Variants in DCUN1D5 observed in about 807,000 individuals in gnomAD.
DCUN1D5 encodes the protein DCN1-like protein 5.
A neutral mutation model predicts 38.3 loss-of-function variants in DCUN1D5; 10 were observed. The observed-to-expected ratio is 0.26, with a 90% CI of 0.16 to 0.44. The LOEUF (loss-of-function observed/expected upper bound fraction) is 0.44. Ranked by LOEUF, DCUN1D5 falls within the 20% of genes least tolerant of loss-of-function variation. The pLI is 1.00. For synonymous variants in DCUN1D5, 93 were observed against 90.9 expected, an observed-to-expected ratio of 1.02 and a Z score of -0.13; for missense variants, 148 against 275.3, an observed-to-expected ratio of 0.54 and a Z score of 3.27.
At position 103,079,094 on chromosome 11, in the gene DCUN1D5, G is replaced by A. The variant is rs968757135; in HGVS notation, c.341+3654C>T. 2.6e-5 allele frequency among the ~76,000 whole-genome samples: 4 copies of A among 152,174 alleles called. No homozygotes were observed. In the East Asian group the frequency reaches 5.8e-4, roughly 22 times the overall value. On this transcript the variant is annotated intron_variant, in intron 4 of 7. Coordinates refer to ENST00000260247, the MANE Select transcript of DCUN1D5 (RefSeq NM_032299.4). ...TCCTGTCAGAACAGCAGCGGCATTC[G>A]ATTCTCACAGGAATGCGAACCCTAT... is the stretch of plus-strand genomic sequence containing the variant.
At position 103,091,410 on chromosome 11, in the gene DCUN1D5, A is replaced by G. The variant is rs1345635514; in HGVS notation, c.86+377T>C. 1 of 217,524 alleles carries G rather than the reference A, an allele frequency of 4.6e-6. No homozygotes were observed. Among genetic ancestry groups the G allele is most frequent in the Non-Finnish European group, 9.3e-6 (1 of 107,470 alleles). The allele number at this position is 217,524 out of a possible 1,614,324, so 13.5% of individuals were successfully genotyped here. On this transcript the variant is annotated intron_variant, in intron 1 of 7. Transcript: ENST00000260247. The surrounding 1 kb of genome is among the most constrained non-coding windows in gnomAD (Gnocchi z 4.3). ...TTCTAGAAGTGACCCTTCTGCGGAT[A>G]TGTACTCACTTCTAAGTCTAGAAAA...
At position 103,062,490 on chromosome 11, in the gene DCUN1D5, C is replaced by A; in HGVS notation, c.659-76G>T. On this transcript the variant is annotated intron_variant, in intron 7 of 7. Transcript: ENST00000260247. The surrounding 1 kb of genome is among the most constrained non-coding windows in gnomAD (Gnocchi z 4.6). ...AATTATAAAACAAACTCCCCACGAG[C>A]TCTGCAATGACAGAGGAATGACCCT... The A allele has an allele frequency of 1.6e-6, 2 of 1,287,606 alleles. No individual in the cohort carries two copies. The highest frequency in any genetic ancestry group is 1.8e-5 in the Admixed American group (1 of 54,230). The allele number at this position is 1,287,606 out of a possible 1,614,324, so 79.8% of individuals were successfully genotyped here. A position where few individuals can be genotyped will look rare whatever the true frequency, so the allele number is the denominator to read the frequency against.
At position 103,062,125 on chromosome 11, in the gene DCUN1D5, A is replaced by ATGT; in HGVS notation, c.*231_*233dup. The ATGT allele has an allele frequency of 9.3e-6, 4 of 429,020 alleles. No homozygotes were observed. Among genetic ancestry groups the ATGT allele is most frequent in the Non-Finnish European group, 1.6e-5 (4 of 243,070 alleles). The allele number at this position is 429,020 out of a possible 1,614,324, so 26.6% of individuals were successfully genotyped here. On this transcript the variant is annotated 3_prime_UTR_variant, in exon 8 of 8. Coordinates refer to ENST00000260247, the MANE Select transcript of DCUN1D5 (RefSeq NM_032299.4). The surrounding 1 kb of genome is among the most constrained non-coding windows in gnomAD (Gnocchi z 4.6). ...CTGAATCTTTATTGTTCTGAAATAA[A>ATGT]TGTTATAAACATAACTCAAAACAAA... is the stretch of plus-strand genomic sequence containing the variant.
Position 103,058,895 on chromosome 11 carries a change from T to TGG in DCUN1D5, c.*3463_*3464insCC, listed in dbSNP as rs1565281701. 2.7e-4 allele frequency among the ~76,000 whole-genome samples: 41 copies of TGG among 150,664 alleles called. No individual in the cohort carries two copies. Among genetic ancestry groups the TGG allele is most frequent in the African/African-American group, 1.0e-3 (41 of 40,854 alleles). On this transcript the variant is annotated 3_prime_UTR_variant, in exon 8 of 8. Transcript: ENST00000260247. ...TTAGGAGTAAGACTTTTGGGTTTTT[T>TGG]TGGGGGGGGTTTTAATTTTATTTTT...
rs1308829638 is a variant in DCUN1D5 at position 103,071,907 on chromosome 11, AAAG to A, written c.342-5343_342-5341del. Among the ~76,000 whole-genome samples the A allele has an allele frequency of 6.6e-6, 1 of 151,444 alleles. No homozygotes were observed. Among genetic ancestry groups the A allele is most frequent in the Non-Finnish European group, 1.5e-5 (1 of 67,796 alleles). On this transcript the variant is annotated intron_variant, in intron 4 of 7. Coordinates refer to ENST00000260247, the MANE Select transcript of DCUN1D5 (RefSeq NM_032299.4). This position sits in a 1 kb window ranked among gnomAD's most constrained non-coding sequence, Gnocchi z 4.1. ...TTAAGAAAATTTAAAATATTTAAAA[AAAG>A]AAAAATTTATTTAATAAAGCCAGTA...
Position 103,060,545 on chromosome 11 carries a change from C to T in DCUN1D5, c.*1814G>A, listed in dbSNP as rs1861987965. Among the ~76,000 whole-genome samples the T allele has an allele frequency of 6.6e-6, 1 of 152,118 alleles. No homozygotes were observed. The highest frequency in any genetic ancestry group is 2.4e-5 in the African/African-American group (1 of 41,418). On this transcript the variant is annotated 3_prime_UTR_variant, in exon 8 of 8. Transcript: ENST00000260247. The stretch of plus-strand genomic sequence containing the variant: ...TTAAGTATGCACAGATTTGGGTATA[C>T]ACAAGGGTCCTGGTATCAATCTCCT...
intron 4 of DCUN1D5, among the ~76,000 whole-genome samples, chr11:103,072,103 G>A (rs1591212409): frequency 6.6e-6 from 1 of 151,820 alleles, no homozygotes; most frequent in Non-Finnish European, 1.5e-5. Flanking sequence ...GTAACTTACA[G>A]GTAACATAAC....
chr11:103,055,235 C>CA lies in DCUN1D5; in HGVS notation c.*7123dup, dbSNP rs34916615. 3.1e-4 allele frequency: 47 copies of CA among 152,186 alleles called. No individual in the cohort carries two copies. Among genetic ancestry groups the CA allele is most frequent in the Non-Finnish European group, 6.0e-4 (41 of 67,982 alleles). The allele number at this position is 152,186 out of a possible 1,614,324, so 9.4% of individuals were successfully genotyped here. A position where few individuals can be genotyped will look rare whatever the true frequency, so the allele number is the denominator to read the frequency against. ...CCACTTGTGGCATCATGTCAACACT[C>CA]AAAAAGTTTTGGATTTTGAAGCATT... On this transcript the variant is annotated 3_prime_UTR_variant, in exon 8 of 8. Transcript: ENST00000260247.
In DCUN1D5 at chr11:103,092,014, C is replaced by G; in HGVS notation, c.-142G>C. 1.4e-6 allele frequency: 1 copy of G among 737,818 alleles called. No homozygotes were observed. The allele number at this position is 737,818 out of a possible 1,614,324, so 45.7% of individuals were successfully genotyped here. ...GTCGCCAGCCCGCACCGGCGCGGCC[C>G]AGCCCGGCCGCCGCCCGCTCCCAGG... is the stretch of plus-strand genomic sequence containing the variant. On this transcript the variant is annotated 5_prime_UTR_variant, in exon 1 of 8. Coordinates refer to ENST00000260247, the MANE Select transcript of DCUN1D5 (RefSeq NM_032299.4).
rs552279814 is a variant in DCUN1D5 at position 103,062,808 on chromosome 11, A to G, written c.659-394T>C. On this transcript the variant is annotated intron_variant, in intron 7 of 7. Transcript: ENST00000260247. The surrounding 1 kb of genome is among the most constrained non-coding windows in gnomAD (Gnocchi z 4.6). ...ACAAGCTTGTTGAGAGGGATCAGCC[A>G]TAATAGAGACTTACTTTATTCCAAT... 7.9e-5 allele frequency among the ~76,000 whole-genome samples: 12 copies of G among 152,274 alleles called. No individual in the cohort carries two copies. In the East Asian group the frequency reaches 2.3e-3, roughly 29 times the overall value.
In DCUN1D5 at chr11:103,050,720, AT is replaced by A. The variant is rs1226752811; in HGVS notation, c.*11638del. 6.6e-6 allele frequency: 1 copy of A among 152,180 alleles called. No individual in the cohort carries two copies. Among genetic ancestry groups the A allele is most frequent in the African/African-American group, 2.4e-5 (1 of 41,446 alleles). The allele number at this position is 152,180 out of a possible 1,614,324, so 9.4% of individuals were successfully genotyped here. On this transcript the variant is annotated 3_prime_UTR_variant, in exon 8 of 8. Coordinates refer to ENST00000260247, the MANE Select transcript of DCUN1D5 (RefSeq NM_032299.4). ...AGTGAAATCATTTATTTATCTATTC[AT>A]TTTCATTTATTCCATTTATTGAGTG...
Position 103,091,779 on chromosome 11 carries a change from G to C in DCUN1D5, c.86+8C>G, listed in dbSNP as rs961293038. 5 of 1,614,082 alleles carry C rather than the reference G, an allele frequency of 3.1e-6. No individual in the cohort carries two copies. Among genetic ancestry groups the C allele is most frequent in the Non-Finnish European group, 3.4e-6 (4 of 1,179,932 alleles). ...GAGGGAAGCTTGAAGGGTGGGGGGA[G>C]ATGGTACCTGGAGATTTTACACTTT... On this transcript the variant is annotated splice_region_variant and intron_variant, in intron 1 of 7. Transcript: ENST00000260247. This position sits in a 1 kb window ranked among gnomAD's most constrained non-coding sequence, Gnocchi z 4.3.
Position 103,086,134 on chromosome 11 carries a change from A to G in DCUN1D5, c.179-2808T>C, listed in dbSNP as rs1024506326. Among the ~76,000 whole-genome samples the G allele has an allele frequency of 1.3e-5, 2 of 152,212 alleles. No individual in the cohort carries two copies. The highest frequency in any genetic ancestry group is 2.4e-5 in the African/African-American group (1 of 41,530). On this transcript the variant is annotated intron_variant, in intron 2 of 7. Transcript: ENST00000260247. The surrounding 1 kb of genome is among the most constrained non-coding windows in gnomAD (Gnocchi z 4.1). ...TAACCATAAAGGAATGTTCCTAGCT[A>G]TATCTGCAAGGCCTAATACCATGCC...
At position 103,052,242 on chromosome 11, in the gene DCUN1D5, A is replaced by T. The variant is rs1229267749; in HGVS notation, c.*10117T>A. On this transcript the variant is annotated 3_prime_UTR_variant, in exon 8 of 8. Coordinates refer to ENST00000260247, the MANE Select transcript of DCUN1D5 (RefSeq NM_032299.4). ...CCCTCAAGAATCTCAGTCTAATGGG[A>T]ATGTGGATATGTAAACGTTTTACAG... 1 of 152,180 alleles carries T rather than the reference A, an allele frequency of 6.6e-6. No individual in the cohort carries two copies. The highest frequency in any genetic ancestry group is 2.4e-5 in the African/African-American group (1 of 41,440). 9.4% of individuals were successfully genotyped at this position (152,180 alleles called of 1,614,324 possible).
At position 103,091,910 on chromosome 11, in the gene DCUN1D5, G is replaced by C. The variant is rs925753585; in HGVS notation, c.-38C>G. ...CCGGCAGGGTGGGCAGGGGAGCCGGGGAAGGGGGTCCCTGTCCGCTGGAAG... is the reference window on the plus strand; with the variant it reads ...CCGGCAGGGTGGGCAGGGGAGCCGGCGAAGGGGGTCCCTGTCCGCTGGAAG... On this transcript the variant is annotated 5_prime_UTR_variant, in exon 1 of 8. Coordinates refer to ENST00000260247, the MANE Select transcript of DCUN1D5 (RefSeq NM_032299.4). The surrounding 1 kb of genome is among the most constrained non-coding windows in gnomAD (Gnocchi z 4.3). The C allele has an allele frequency of 7.6e-6, 12 of 1,586,298 alleles. No homozygotes were observed. Among genetic ancestry groups the C allele is most frequent in the Non-Finnish European group, 1.0e-5 (12 of 1,162,972 alleles).
At position 103,052,198 on chromosome 11, in the gene DCUN1D5, G is replaced by A. The variant is rs1384969022; in HGVS notation, c.*10161C>T. The A allele has an allele frequency of 3.9e-5, 6 of 152,338 alleles. No individual in the cohort carries two copies. Among genetic ancestry groups the A allele is most frequent in the Admixed American group, 3.9e-4 (6 of 15,302 alleles). 9.4% of individuals were successfully genotyped at this position (152,338 alleles called of 1,614,324 possible). Reference sequence around the variant, plus strand: ...CCATGAGTCAGGCACCATGCTGAGAGCTGAAGACATGGTTTCTGCCCTCAA... The same window carrying A: ...CCATGAGTCAGGCACCATGCTGAGAACTGAAGACATGGTTTCTGCCCTCAA... On this transcript the variant is annotated 3_prime_UTR_variant, in exon 8 of 8. Coordinates refer to ENST00000260247, the MANE Select transcript of DCUN1D5 (RefSeq NM_032299.4).
At chr11:103,085,418 C>CA (rs916376319) in intron 2 of DCUN1D5, among the ~76,000 whole-genome samples, 60 of 152,252 alleles carry the variant, frequency 3.9e-4, no homozygotes, top group Non-Finnish European at 1.9e-4. Flanking sequence ...GCGTAGGTGA[C>CA]AGAGCGAGAC....
At position 103,087,559 on chromosome 11, in the gene DCUN1D5, AG is replaced by A. The variant is rs768534065; in HGVS notation, c.178+1667del. Among the ~76,000 whole-genome samples, 2 of 152,092 alleles carry A rather than the reference AG, an allele frequency of 1.3e-5. No homozygotes were observed. Among genetic ancestry groups the A allele is most frequent in the Non-Finnish European group, 2.9e-5 (2 of 68,024 alleles). ...CACCTACTAGAAAGGCTGAGGTGGG[AG>A]GATGGCCTGAGCCCAGGAGCTCAAG... is the stretch of plus-strand genomic sequence containing the variant. On this transcript the variant is annotated intron_variant, in intron 2 of 7. Coordinates refer to ENST00000260247, the MANE Select transcript of DCUN1D5 (RefSeq NM_032299.4). This position sits in a 1 kb window ranked among gnomAD's most constrained non-coding sequence, Gnocchi z 4.1.
At position 103,071,880 on chromosome 11, in the gene DCUN1D5, G is replaced by T. The variant is rs1008622360; in HGVS notation, c.342-5313C>A. Among the ~76,000 whole-genome samples the T allele has an allele frequency of 7.3e-5, 11 of 150,236 alleles. No homozygotes were observed. The highest frequency in any genetic ancestry group is 4.0e-4 in the Admixed American group (6 of 15,114). On this transcript the variant is annotated intron_variant, in intron 4 of 7. Coordinates refer to ENST00000260247, the MANE Select transcript of DCUN1D5 (RefSeq NM_032299.4). The surrounding 1 kb of genome is among the most constrained non-coding windows in gnomAD (Gnocchi z 4.1). ...TCCACATCTCTCTCAAAACATAAAA[G>T]ATTAAGAAAATTTAAAATATTTAAA...
Sources: allele counts gnomAD v4.1 joint callset (sites outside exome capture counted in the v4.1 genomes callset), GRCh38; gene constraint gnomAD v4.1.1; non-coding constraint Gnocchi (gnomAD v3.1); transcripts MANE v1.5; gene names NCBI Gene and HGNC (gene_info 2026-07-23, HGNC 2026-07-21).